Variants in ANO4 observed in about 807,000 individuals in gnomAD.
The protein encoded by ANO4 is anoctamin 4.
In ANO4, 69 loss-of-function variants were observed where a neutral mutation model predicts 141.9. The ratio of observed to expected loss-of-function variants is 0.49; its 90% CI spans 0.40 to 0.59. ANO4 has a LOEUF of 0.59. ANO4 is among the 20% of genes least tolerant of loss of function. The pLI is 0.00. For missense variants in ANO4, 894 were observed against 1,162.2 expected (o/e 0.77, Z 3.36); for synonymous variants, 350 against 394.3 (o/e 0.89, Z 1.33).
intron 1 of ANO4, among the ~76,000 whole-genome samples, chr12:100,877,238 G>A (rs930794313): frequency 6.6e-6 from 1 of 151,530 alleles, no homozygotes; most frequent in African/African-American, 2.4e-5. Flanking sequence ...ATAATATATG[G>A]TATATTTGAA....
intron 2 of ANO4, among the ~76,000 whole-genome samples, chr12:100,904,365 T>C (rs190568425): frequency 3.6e-4 from 50 of 139,790 alleles, no homozygotes; most frequent in African/African-American, 1.3e-3. Context: ...ATATAACATA[T>C]AGTGTTTAGG....
intron 25 of ANO4, 54 bp from the exon 26 acceptor site, chr12:101,120,466 T>C (rs186694444): frequency 6.8e-7 from 1 of 1,473,156 alleles, no homozygotes; most frequent in African/African-American, 1.4e-5. Flanking sequence ...TGGAAGAGAT[T>C]TGAGAATCAG....
chr12:101,120,496 C>A (rs754454391), intron 25 of ANO4, 24 bp from the exon 26 acceptor site: 1 of 1,583,670 alleles, frequency 6.3e-7, no homozygotes, highest in South Asian at 1.1e-5. Context: ...AGTTTGAATG[C>A]AACATTTTTC....
upstream of ANO4, among the ~76,000 whole-genome samples, chr12:100,790,638 A>G (rs2034013704): frequency 6.8e-6 from 1 of 146,690 alleles, no homozygotes; most frequent in Non-Finnish European, 1.5e-5. Context: ...TTATTTTTCT[A>G]TCTTCAGAAA....
At chr12:100,935,882 C>T (rs1191127743) in intron 3 of ANO4, among the ~76,000 whole-genome samples, 1 of 150,942 alleles carries the variant, frequency 6.6e-6, no homozygotes, top group African/African-American at 2.4e-5. Context: ...CTAAAACTTA[C>T]CTTGTAGTTA....
At chr12:101,052,825 A>G (rs1327573394) in intron 14 of ANO4, among the ~76,000 whole-genome samples, 4 of 152,250 alleles carry the variant, frequency 2.6e-5, no homozygotes, top group Non-Finnish European at 5.9e-5. Context: ...AGGATACCTC[A>G]TCAATTTCTC....
intron 15 of ANO4, among the ~76,000 whole-genome samples, chr12:101,080,900 T>TATATATTATATATATATAC (rs1194122665): frequency 7.6e-6 from 1 of 131,042 alleles, no homozygotes; most frequent in Non-Finnish European, 1.6e-5. Flanking sequence ...TATATATATA[T>TATATATTATATATATATAC]ACATACACAT....
chr12:100,774,819 C>T (rs1405674960), intron 3 of ANO4, among the ~76,000 whole-genome samples: 5 of 152,144 alleles, frequency 3.3e-5, no homozygotes, highest in Admixed American at 2.6e-4. Flanking sequence ...ATAGCAAAAC[C>T]GATTTTGTTT....
chr12:100,736,307 C>G (rs193052292), intron 2 of ANO4, among the ~76,000 whole-genome samples: 1 of 152,144 alleles, frequency 6.6e-6, no homozygotes, highest in Non-Finnish European at 1.5e-5. Context: ...TTGCCAAGCA[C>G]TGTGTTCTAA....
chr12:101,073,944 T>C (rs977121298), intron 14 of ANO4, among the ~76,000 whole-genome samples: 3 of 152,102 alleles, frequency 2.0e-5, no homozygotes, highest in African/African-American at 7.2e-5. Flanking sequence ...GAGGTGAAGG[T>C]AGAAAATGGA....
intron 3 of ANO4, among the ~76,000 whole-genome samples, chr12:100,934,506 T>A (rs2136148540): frequency 6.6e-6 from 1 of 152,316 alleles, no homozygotes; most frequent in East Asian, 1.9e-4. Flanking sequence ...TGTAGTATAG[T>A]TTGAAGTCAG....
At chr12:100,887,415 G>A (rs772184157) in intron 1 of ANO4, among the ~76,000 whole-genome samples, 8 of 152,126 alleles carry the variant, frequency 5.3e-5, no homozygotes, top group Non-Finnish European at 1.0e-4. Context: ...ATTTGACCAT[G>A]CTACTCTCTT....
chr12:100,971,685 C>T (rs959927752), intron 6 of ANO4, among the ~76,000 whole-genome samples: 2 of 152,026 alleles, frequency 1.3e-5, no homozygotes, highest in Non-Finnish European at 2.9e-5. Context: ...TCCAAAGTGC[C>T]ATTTTTAGAA....
At chr12:100,756,173 C>T (rs763512303) in intron 3 of ANO4, among the ~76,000 whole-genome samples, 3 of 151,966 alleles carry the variant, frequency 2.0e-5, no homozygotes, top group African/African-American at 4.8e-5. Context: ...CTGCTGGTGT[C>T]GAATTACAAC....
chr12:101,002,988 A>G (rs530738829), intron 8 of ANO4, among the ~76,000 whole-genome samples: 1 of 151,932 alleles, frequency 6.6e-6, no homozygotes, highest in Non-Finnish European at 1.5e-5. Context: ...TCCTCTTCCT[A>G]TGTTGCTCTC....
chr12:100,720,114 T>C (rs2030797643), intron 1 of ANO4, among the ~76,000 whole-genome samples: 1 of 152,136 alleles, frequency 6.6e-6, no homozygotes, highest in Non-Finnish European at 1.5e-5. Flanking sequence ...GGGAGACAAG[T>C]ATTTTTTAGA....
At chr12:101,123,386 C>T (rs79368542) in intron 26 of ANO4, among the ~76,000 whole-genome samples, 1,961 of 152,220 alleles carry the variant, frequency 0.013, 32 homozygotes, top group African/African-American at 0.04. Context: ...ATGTGTGCCA[C>T]GGTCATCTGC....
In ANO4 at chr12:100,771,763, C is replaced by T. The variant is rs551987881; in HGVS notation, c.358+31658C>T. 1.3e-5 allele frequency among the ~76,000 whole-genome samples: 2 copies of T among 152,158 alleles called. 1 individual carries two copies. The highest frequency in any genetic ancestry group is 4.1e-4 in the South Asian group (2 of 4,828). ...GAGGAAGGCCTGGGTGACCAGTGGCCATAGATAAATCGGCTTCTGCATGAA... is the reference window on the plus strand; with the variant it reads ...GAGGAAGGCCTGGGTGACCAGTGGCTATAGATAAATCGGCTTCTGCATGAA... On this transcript the variant is annotated intron_variant, in intron 3 of 29. Coordinates refer to the ANO4 transcript ENST00000644049.
chr12:100,989,338 T>A (rs2044928375), intron 8 of ANO4, among the ~76,000 whole-genome samples: 1 of 152,228 alleles, frequency 6.6e-6, no homozygotes, highest in South Asian at 2.1e-4. Context: ...CCATTCTTAA[T>A]TTAAACCCCT....
Sources: gnomAD v4.1 joint callset for allele counts (sites outside exome capture counted in the v4.1 genomes callset) on GRCh38, gnomAD v4.1.1 for gene constraint, MANE v1.5 for transcripts, NCBI Gene and HGNC (gene_info 2026-07-23, HGNC 2026-07-21) for gene names.